ING4: variants seen among roughly 807,000 people sequenced by gnomAD.
ING4 encodes inhibitor of growth family member 4.
ING4 carries 28 observed loss-of-function variants against 33.1 expected under a neutral mutation model. That is an observed-to-expected ratio of 0.85 (90% confidence interval 0.63 to 1.16). ING4 has a LOEUF of 1.16. Among genes scored for constraint, ING4 ranks in the 50% most tolerant of loss-of-function variants. The pLI, the probability that ING4 is intolerant of heterozygous loss-of-function variation, is 0.00. For missense variants in ING4, 247 were observed against 314.7 expected, an observed-to-expected ratio of 0.78 and a Z score of 1.63; for synonymous variants, 87 against 104.4, an observed-to-expected ratio of 0.83 and a Z score of 1.02.
intron 1 of ING4, 150 bp downstream of exon 1, chr12:6,662,915 T>C: frequency 2.4e-6 from 2 of 825,430 alleles, no homozygotes; most frequent in Non-Finnish European, 3.8e-6. Context: ...CCCCGCCCCC[T>C]CTTTCTCCGC....
chr12:6,660,912 C>T (rs1233256674), intron 1 of ING4, among the ~76,000 whole-genome samples: 2 of 151,524 alleles, frequency 1.3e-5, no homozygotes, highest in African/African-American at 4.9e-5. Context: ...TGTGCCTCAG[C>T]CTCCCAAGTA....
chr12:6,659,595 G>A (rs1311478237), intron 1 of ING4, among the ~76,000 whole-genome samples: 2 of 152,034 alleles, frequency 1.3e-5, no homozygotes, highest in Non-Finnish European at 2.9e-5. Flanking sequence ...AGCAGATTAC[G>A]AGGTCAGGAG....
intron 2 of ING4, 121 bp from the exon 3 acceptor site, chr12:6,653,517 T>C (rs1210332784): frequency 9.4e-6 from 9 of 962,366 alleles, no homozygotes; most frequent in African/African-American, 1.7e-5. Flanking sequence ...TAAAAAGTAC[T>C]GAATGTTCAG....
chr12:6,657,136 A>ACAGT (rs1309750555), intron 1 of ING4, among the ~76,000 whole-genome samples: 2 of 151,752 alleles, frequency 1.3e-5, no homozygotes, highest in African/African-American at 4.8e-5. Context: ...CCTGGGCAAT[A>ACAGT]GAGCAAGTCC....
intron 2 of ING4, among the ~76,000 whole-genome samples, chr12:6,654,260 C>A (rs1036088679): frequency 7.9e-5 from 12 of 151,838 alleles, no homozygotes; most frequent in African/African-American, 2.9e-4. Context: ...GTATATCACA[C>A]AATTTAAAAT....
intron 1 of ING4, among the ~76,000 whole-genome samples, chr12:6,662,792 G>A (rs1184115676): frequency 6.6e-6 from 1 of 152,030 alleles, no homozygotes; most frequent in East Asian, 1.9e-4. Flanking sequence ...CTGGAGAATG[G>A]GGGCAGCAAC....
chr12:6,651,154 G>C lies in ING4; in HGVS notation c.*41C>G. On this transcript the variant is annotated 3_prime_UTR_variant, in exon 8 of 8. Transcript: ENST00000341550. ...TTCCTCTGCCCACTAGCCCAAGTCAGGGGATGTGGAAGAAACTGTGTTGGA... is the reference window on the plus strand; with the variant it reads ...TTCCTCTGCCCACTAGCCCAAGTCACGGGATGTGGAAGAAACTGTGTTGGA... 6.2e-7 allele frequency: 1 copy of C among 1,610,958 alleles called. No individual in the cohort carries two copies. Among genetic ancestry groups the C allele is most frequent in the Non-Finnish European group, 8.5e-7 (1 of 1,177,200 alleles).
chr12:6,656,850 G>T (rs1413638632), intron 1 of ING4, 52 bp from the exon 2 acceptor site: 3 of 1,169,262 alleles, frequency 2.6e-6, no homozygotes, highest in Non-Finnish European at 3.6e-6. Context: ...AGGCCTTACA[G>T]CTCCTTTTAA....
chr12:6,653,287 G>A lies in ING4; in HGVS notation c.219C>T (p.Gly73=), dbSNP rs1305120520. ...TGTCGTCACCAAATTCCTTGCACTT[G>A]CCATAGGCTTCCTGGATCTGTTTGA... is the stretch of plus-strand genomic sequence containing the variant. ...ALLKQIQEAY[G]KCKEFGDDKV... is the part of the protein sequence containing the mutation. The change falls in exon 3 of 8, where the codon GGC becomes GGT. Residue 73 remains glycine (G), a synonymous_variant. Coordinates refer to ENST00000341550, the MANE Select transcript of ING4 (RefSeq NM_016162.4). 6.2e-7 allele frequency: 1 copy of A among 1,614,114 alleles called. No homozygotes were observed.
At chr12:6,662,486 G>C (rs1189280976) in intron 1 of ING4, among the ~76,000 whole-genome samples, 1 of 152,150 alleles carries the variant, frequency 6.6e-6, no homozygotes, top group Non-Finnish European at 1.5e-5. Context: ...ATGACTCCGG[G>C]CCCTAAAACA....
At chr12:6,660,921 T>C (rs143261067) in intron 1 of ING4, among the ~76,000 whole-genome samples, 2,364 of 151,524 alleles carry the variant, frequency 0.016, 49 homozygotes, top group African/African-American at 0.053. Flanking sequence ...GCCTCCCAAG[T>C]AGCTGGGATT....
chr12:6,655,055 T>TA (rs1294400868), intron 2 of ING4, among the ~76,000 whole-genome samples: 5 of 151,388 alleles, frequency 3.3e-5, no homozygotes, highest in Non-Finnish European at 7.4e-5. Flanking sequence ...TTTATTTATT[T>TA]TTTTTTGAGA....
rs567529220 is a variant in ING4, at chr12:6,662,360, C to G, written c.37+705G>C. Among the ~76,000 whole-genome samples the G allele has an allele frequency of 8.3e-4, 127 of 152,198 alleles. 4 individuals are homozygous for G. In the South Asian group the frequency reaches 0.025, roughly 31 times the overall value. Reference sequence around the variant, plus strand: ...TATAATTATTTGCAGAATCTGTTTCCTACTAGATCGTGAGCTTCTTGAGGG... The same window carrying G: ...TATAATTATTTGCAGAATCTGTTTCGTACTAGATCGTGAGCTTCTTGAGGG... On this transcript the variant is annotated intron_variant, in intron 1 of 7. Transcript: ENST00000341550.
At chr12:6,655,922 G>A (rs1376364518) in intron 2 of ING4, 1 of 456,158 alleles carries the variant, frequency 2.2e-6, no homozygotes, top group African/African-American at 2.0e-5. Context: ...TTCTGTAAGT[G>A]TGAACGGTAT....
chr12:6,654,816 G>T (rs4764619), intron 2 of ING4, among the ~76,000 whole-genome samples: 1 of 152,030 alleles, frequency 6.6e-6, no homozygotes, highest in African/African-American at 2.4e-5. Context: ...CCTCTGCCTC[G>T]TGGGTTCAAG....
In ING4 at chr12:6,660,888, G is replaced by A. The variant is rs554902596; in HGVS notation, c.37+2177C>T. ...CTGGAGTGCAATGGCGCAATCTCAG[G>A]TTCAAGGAATTCTTGTGCCTCAGCC... On this transcript the variant is annotated intron_variant, in intron 1 of 7. Coordinates refer to ENST00000341550, the MANE Select transcript of ING4 (RefSeq NM_016162.4). Among the ~76,000 whole-genome samples, 13 of 150,666 alleles carry A rather than the reference G, an allele frequency of 8.6e-5. No homozygotes were observed. In the East Asian group the frequency reaches 1.2e-3, roughly 14 times the overall value.
At chr12:6,651,427 C>A in intron 6 of ING4, 42 bp from the exon 7 acceptor site, 1 of 1,544,220 alleles carries the variant, frequency 6.5e-7, no homozygotes, top group South Asian at 1.1e-5. Context: ...CAGGAAGGGC[C>A]AGAGGAAGGA....
intron 1 of ING4, 77 bp downstream of exon 1, chr12:6,662,988 T>G (rs1271725798): frequency 1.4e-6 from 2 of 1,478,886 alleles, no homozygotes; most frequent in Non-Finnish European, 1.9e-6. Context: ...CACTGGAACT[T>G]AAGGGCTACA....
chr12:6,653,094 C>A (rs1456029701), intron 3 of ING4, 44 bp from the exon 4 acceptor site: 2 of 1,603,668 alleles, frequency 1.2e-6, no homozygotes, highest in South Asian at 1.1e-5. Context: ...AAACTATCTC[C>A]AATTAAAGAA....
Sources: gnomAD v4.1 joint callset for allele counts (sites outside exome capture counted in the v4.1 genomes callset) on GRCh38, gnomAD v4.1.1 for gene constraint, MANE v1.5 for transcripts, NCBI Gene and HGNC (gene_info 2026-07-23, HGNC 2026-07-21) for gene names.